SGCD: variants seen among roughly 807,000 people sequenced by gnomAD.
The protein encoded by SGCD is delta-sarcoglycan.
In SGCD, 18 loss-of-function variants were observed where a neutral mutation model predicts 36.6. That is an observed-to-expected ratio of 0.49 (90% CI 0.34 to 0.73). The LOEUF (loss-of-function observed/expected upper bound fraction) is 0.73. SGCD is among the 30% of genes least tolerant of loss of function. The pLI is 0.01. For synonymous variants in SGCD, 133 were observed against 130.6 expected, an observed-to-expected ratio of 1.02 and a Z score of -0.12; for missense variants, 387 against 346.7, an observed-to-expected ratio of 1.12 and a Z score of -0.92.
intron 3 of SGCD, among the ~76,000 whole-genome samples, chr5:156,296,530 T>G (rs1766897705): frequency 6.6e-6 from 1 of 152,202 alleles, no homozygotes; most frequent in Non-Finnish European, 1.5e-5. Context: ...ATGCCTCTTG[T>G]GATTTACTCT....
chr5:156,409,822 C>A (rs1772646048), intron 3 of SGCD, among the ~76,000 whole-genome samples: 1 of 152,128 alleles, frequency 6.6e-6, no homozygotes, highest in Admixed American at 6.5e-5. Flanking sequence ...ACCATCCCAG[C>A]CTCCTCATTC....
rs912563682 is a variant in SGCD at position 156,055,668 on chromosome 5, C to A, written c.-281-62210C>A. 6.8e-4 allele frequency among the ~76,000 whole-genome samples: 100 copies of A among 146,094 alleles called. 16 individuals carry two copies. Among genetic ancestry groups the A allele is most frequent in the Admixed American group, 6.1e-4 (9 of 14,642 alleles). On this transcript the variant is annotated intron_variant, in intron 1 of 9. Coordinates refer to the SGCD transcript ENST00000517913. ...TAAAGGAAATGTACTCTTTAACAAA[C>A]CTAATTTATCTGAAAATTAGATTTA... is the stretch of plus-strand genomic sequence containing the variant.
At chr5:155,784,812 T>C in the SGCD span, among the ~76,000 whole-genome samples, 1 of 152,284 alleles carries the variant, frequency 6.6e-6, no homozygotes, top group African/African-American at 2.4e-5. Context: ...CATACTAGTT[T>C]TAAGCTAGGT....
In SGCD at chr5:156,709,449, A is replaced by G. The variant is rs1277643251; in HGVS notation, c.576-48132A>G. 2.0e-5 allele frequency among the ~76,000 whole-genome samples: 3 copies of G among 152,344 alleles called. No individual in the cohort carries two copies. The South Asian group carries it at 6.2e-4, about 32-fold the overall frequency. ...AGTGAAGTACTTGCACAGAGTCACAATGGCTTGAGGCCTAGCCAGCTCCAC... is the reference window on the plus strand; with the variant it reads ...AGTGAAGTACTTGCACAGAGTCACAGTGGCTTGAGGCCTAGCCAGCTCCAC... On this transcript the variant is annotated intron_variant, in intron 7 of 8. Transcript: ENST00000337851.
intron 1 of SGCD, among the ~76,000 whole-genome samples, chr5:156,009,176 G>A (rs1248543972): frequency 1.3e-5 from 2 of 152,188 alleles, no homozygotes; most frequent in Non-Finnish European, 2.9e-5. Context: ...TATTGACACA[G>A]TGATGTCCCT....
chr5:156,729,072 GA>G (rs1219253607), intron 7 of SGCD, among the ~76,000 whole-genome samples: 6 of 152,070 alleles, frequency 3.9e-5, no homozygotes, highest in Admixed American at 2.0e-4. Flanking sequence ...GAAAGTAATT[GA>G]AAAAAATTAT....
the SGCD span, among the ~76,000 whole-genome samples, chr5:155,758,393 T>G: frequency 6.6e-6 from 1 of 152,216 alleles, no homozygotes; most frequent in Non-Finnish European, 1.5e-5. Flanking sequence ...TGTTTCCAAG[T>G]TATTGATGAT....
intron 2 of SGCD, 105 bp from the exon 3 acceptor site, chr5:156,344,384 C>T (rs1029047335): frequency 1.1e-5 from 8 of 751,208 alleles, no homozygotes; most frequent in African/African-American, 5.5e-5. Context: ...AAGTAGACAG[C>T]AGCCAGCCAT....
In SGCD at chr5:156,496,566, C is replaced by T. The variant is rs554112455; in HGVS notation, c.193-12035C>T. 3.9e-5 allele frequency among the ~76,000 whole-genome samples: 6 copies of T among 152,094 alleles called. No homozygotes were observed. The East Asian group carries it at 5.8e-4, about 15-fold the overall frequency. Reference sequence around the variant, plus strand: ...AATGTACTATCTGTCTTCTCTGAGTCGGGGATTATGACATGAGATTAGGAT... The same window carrying T: ...AATGTACTATCTGTCTTCTCTGAGTTGGGGATTATGACATGAGATTAGGAT... On this transcript the variant is annotated intron_variant, in intron 3 of 8. Coordinates refer to ENST00000337851, the MANE Select transcript of SGCD (RefSeq NM_000337.6).
intron 3 of SGCD, among the ~76,000 whole-genome samples, chr5:156,229,066 G>C (rs554944829): frequency 2.4e-3 from 371 of 151,638 alleles, no homozygotes; most frequent in African/African-American, 8.7e-3. Context: ...TAGCCACTCA[G>C]CCTACATCTT....
chr5:156,533,005 T>C (rs538589223), intron 4 of SGCD, among the ~76,000 whole-genome samples: 1 of 152,318 alleles, frequency 6.6e-6, no homozygotes, highest in African/African-American at 2.4e-5. Flanking sequence ...TCTCACACCC[T>C]GTCCTTAACT....
At position 156,141,583 on chromosome 5, in the gene SGCD, A is replaced by G. The variant is rs77395564; in HGVS notation, c.-44+17564A>G. Among the ~76,000 whole-genome samples, 974 of 152,336 alleles carry G rather than the reference A, an allele frequency of 6.4e-3. 5 individuals are homozygous for G. The highest frequency in any genetic ancestry group is 0.022 in the African/African-American group (921 of 41,566). ...TTGGGTAAAAAGACAAATCTGGTAG[A>G]TCAATGCAGTGGTTTTTCCTCTTAT... On this transcript the variant is annotated intron_variant, in intron 3 of 9. Coordinates refer to the SGCD transcript ENST00000517913.
chr5:155,927,361 TAAC>T, intron 1 of SGCD, among the ~76,000 whole-genome samples: 1 of 152,304 alleles, frequency 6.6e-6, no homozygotes, highest in South Asian at 2.1e-4. Context: ...CAATCAAAGA[TAAC>T]TGGAAAATAT....
the SGCD span, among the ~76,000 whole-genome samples, chr5:155,768,188 G>T: frequency 6.6e-6 from 1 of 152,006 alleles, no homozygotes; most frequent in African/African-American, 2.4e-5. Flanking sequence ...AATTGTCTAT[G>T]TTATTCTCCA....
intron 3 of SGCD, among the ~76,000 whole-genome samples, chr5:156,221,775 C>G (rs1764722007): frequency 6.6e-6 from 1 of 151,884 alleles, no homozygotes; most frequent in South Asian, 2.1e-4. Context: ...GCTCTTTAAG[C>G]AAGTAATATA....
At chr5:156,474,066 G>A (rs530931372) in intron 3 of SGCD, among the ~76,000 whole-genome samples, 2 of 152,004 alleles carry the variant, frequency 1.3e-5, no homozygotes, top group South Asian at 4.2e-4. Flanking sequence ...TCCAGTGGGG[G>A]AGGGAGAGCA....
chr5:155,896,148 G>A (rs1453854076), intron 1 of SGCD, among the ~76,000 whole-genome samples: 1 of 152,090 alleles, frequency 6.6e-6, no homozygotes, highest in Non-Finnish European at 1.5e-5. Flanking sequence ...TATCTCTCTT[G>A]ATTTTCAGTT....
chr5:156,516,516 G>A (rs917243531), intron 4 of SGCD, among the ~76,000 whole-genome samples: 3 of 152,196 alleles, frequency 2.0e-5, no homozygotes, highest in African/African-American at 4.8e-5. Context: ...CCAAAGGTCA[G>A]CAGCCTCAAA....
intron 6 of SGCD, among the ~76,000 whole-genome samples, chr5:156,614,596 G>T (rs1323638219): frequency 6.6e-6 from 1 of 152,098 alleles, no homozygotes; most frequent in East Asian, 1.9e-4. Flanking sequence ...CAAACCTGTT[G>T]ACTCCCCCAC....
Sources: gnomAD v4.1 joint callset for allele counts (sites outside exome capture counted in the v4.1 genomes callset) on GRCh38, gnomAD v4.1.1 for gene constraint, MANE v1.5 for transcripts, NCBI Gene and HGNC (gene_info 2026-07-23, HGNC 2026-07-21) for gene names.